Variants in ENTREP1 observed in about 807,000 individuals in gnomAD.
ENTREP1 encodes the protein Friedreich ataxia region gene X123.
the ENTREP1 span, among the ~76,000 whole-genome samples, chr9:69,367,776 AATATATATACACACATATATATAAAT>A: frequency 2.4e-5 from 2 of 83,372 alleles, no homozygotes; most frequent in African/African-American, 9.3e-5. Flanking sequence ...CATATATATA[AATATATATACACACATATATATAAAT>A]ATATATACAC....
chr9:69,389,089 A>G, the ENTREP1 span, among the ~76,000 whole-genome samples: 163 of 152,182 alleles, frequency 1.1e-3, 1 homozygote, highest in African/African-American at 3.8e-3. Flanking sequence ...CTCTACCTTT[A>G]TTTTTGAATG....
At chr9:69,372,985 G>A in the ENTREP1 span, among the ~76,000 whole-genome samples, 2 of 151,760 alleles carry the variant, frequency 1.3e-5, no homozygotes, top group African/African-American at 2.4e-5. Flanking sequence ...CTTCATTAAA[G>A]GAAGAATGTC....
the ENTREP1 span, chr9:69,329,804 G>T: frequency 1.1e-5 from 8 of 727,162 alleles, no homozygotes; most frequent in African/African-American, 9.7e-5. Context: ...TGGGGTGTGG[G>T]AGTTAACGAG....
chr9:69,366,385 G>GTTTTTT, the ENTREP1 span, among the ~76,000 whole-genome samples: 4 of 139,570 alleles, frequency 2.9e-5, no homozygotes, highest in East Asian at 2.1e-4. Flanking sequence ...TCCAACTGGG[G>GTTTTTT]TTTTTTTTTT....
At chr9:69,329,457 T>G in the ENTREP1 span, 9 of 983,670 alleles carry the variant, frequency 9.1e-6, no homozygotes, top group Non-Finnish European at 1.1e-5. Context: ...AAGGTATATT[T>G]TATCTATTTT....
the ENTREP1 span, among the ~76,000 whole-genome samples, chr9:69,367,777 A>ATG: frequency 3.6e-5 from 3 of 84,466 alleles, no homozygotes; most frequent in African/African-American, 1.4e-4. Context: ...ATATATATAA[A>ATG]TATATATACA....
the ENTREP1 span, among the ~76,000 whole-genome samples, chr9:69,340,699 G>GCA: frequency 1.7e-3 from 228 of 134,272 alleles, 4 homozygotes; most frequent in East Asian, 0.044. Context: ...GTGTGTATGT[G>GCA]TGTGTGTATG....
chr9:69,367,728 A>AATATATATATATATACACATATAT, the ENTREP1 span, among the ~76,000 whole-genome samples: 10 of 49,136 alleles, frequency 2.0e-4, 2 homozygotes, highest in Non-Finnish European at 3.5e-4. Context: ...CATATATATA[A>AATATATATATATATACACATATAT]AAATATATAT....
the ENTREP1 span, chr9:69,383,771 C>G: frequency 1.9e-6 from 3 of 1,613,942 alleles, no homozygotes; most frequent in Non-Finnish European, 2.5e-6. Flanking sequence ...TACTGTCTGT[C>G]CTGAATCTCT....
chr9:69,380,104 T>A, the ENTREP1 span: 1 of 152,248 alleles, frequency 6.6e-6, no homozygotes, highest in Non-Finnish European at 1.5e-5. Context: ...AACAGTCTTG[T>A]GAGAAAGAAG....
chr9:69,377,728 C>T, the ENTREP1 span: 2 of 1,613,222 alleles, frequency 1.2e-6, no homozygotes, highest in African/African-American at 1.3e-5. Flanking sequence ...CTCGTGCACA[C>T]CCCGGATGAA....
chr9:69,363,328 G>A, the ENTREP1 span, among the ~76,000 whole-genome samples: 2 of 152,204 alleles, frequency 1.3e-5, no homozygotes, highest in Non-Finnish European at 2.9e-5. Flanking sequence ...AACTGGGCAA[G>A]TGATGATTAA....
At chr9:69,367,898 C>CAT in the ENTREP1 span, among the ~76,000 whole-genome samples, 5 of 137,654 alleles carry the variant, frequency 3.6e-5, no homozygotes, top group South Asian at 2.2e-4. Context: ...TATATATATA[C>CAT]ATATATACAT....
At chr9:69,383,421 T>G in the ENTREP1 span, 1 of 1,406,792 alleles carries the variant, frequency 7.1e-7, no homozygotes, top group Admixed American at 2.8e-5. Flanking sequence ...TGGGGTTGCA[T>G]TTTATACACT....
At chr9:69,373,523 A>G in the ENTREP1 span, among the ~76,000 whole-genome samples, 1 of 151,796 alleles carries the variant, frequency 6.6e-6, no homozygotes, top group Non-Finnish European at 1.5e-5. Flanking sequence ...TCCTGTTTTT[A>G]TCACTTAAAG....
chr9:69,377,270 C>G, the ENTREP1 span: 3 of 795,980 alleles, frequency 3.8e-6, no homozygotes, highest in Middle Eastern at 2.2e-4. Flanking sequence ...TGAGAATTGT[C>G]TTATGGAGGC....
chr9:69,327,247 T>TAG, the ENTREP1 span, among the ~76,000 whole-genome samples: 67 of 152,310 alleles, frequency 4.4e-4, no homozygotes, highest in South Asian at 0.01. Flanking sequence ...CTGGTGGCTC[T>TAG]GCCTGTGGGC....
chr9:69,331,380 A>T, the ENTREP1 span, among the ~76,000 whole-genome samples: 1 of 152,182 alleles, frequency 6.6e-6, no homozygotes, highest in Non-Finnish European at 1.5e-5. Context: ...AAAGCACATT[A>T]ACCATTTATG....
chr9:69,384,896 T>G, the ENTREP1 span, among the ~76,000 whole-genome samples: 1 of 151,416 alleles, frequency 6.6e-6, no homozygotes. Context: ...TTCATAATTT[T>G]TCCATTTTTT....
Sources: allele counts gnomAD v4.1 joint callset (sites outside exome capture counted in the v4.1 genomes callset), GRCh38; gene constraint gnomAD v4.1.1; transcripts MANE v1.5; gene names NCBI Gene and HGNC (gene_info 2026-07-23, HGNC 2026-07-21).